WRN: variants seen among roughly 807,000 people sequenced by gnomAD.
The protein encoded by WRN is WRN RecQ like helicase.
Under a neutral mutation model 180.7 loss-of-function variants are expected in WRN, and 149 were observed. The observed-to-expected ratio is 0.82, with a 90% CI of 0.72 to 0.94. The LOEUF (loss-of-function observed/expected upper bound fraction) is 0.94, where lower values mean the gene tolerates loss of function less well. WRN is among the 40% of genes least tolerant of loss of function. The pLI is 0.00. For synonymous variants in WRN, 548 were observed against 568.9 expected (o/e 0.96, Z 0.52); for missense variants, 1,661 against 1,700.1 (o/e 0.98, Z 0.40).
At chr8:31,088,428 G>T (rs1273548385) in intron 12 of WRN, among the ~76,000 whole-genome samples, 1 of 152,072 alleles carries the variant, frequency 6.6e-6, no homozygotes, top group African/African-American at 2.4e-5. Context: ...TAAACTAAAC[G>T]AGATTTTCGT....
At position 31,124,561 on chromosome 8, in the gene WRN, A is replaced by G. The variant is rs767647726; in HGVS notation, c.2670A>G (p.Leu890=). 2 of 1,613,016 alleles carry G rather than the reference A, an allele frequency of 1.2e-6. No homozygotes were observed. Among genetic ancestry groups the G allele is most frequent in the East Asian group, 2.2e-5 (1 of 44,738 alleles). Residue 890 remains leucine, a synonymous_variant, in exon 22 of 35, where the codon TTA becomes TTG. Coordinates refer to ENST00000298139, the MANE Select transcript of WRN (RefSeq NM_000553.6). Reference sequence around the variant, plus strand: ...AGATACGTAATGAGAAGTTTCGATTATACAAATTAAAGATGATGGCAAAGA... The same window carrying G: ...AGATACGTAATGAGAAGTTTCGATTGTACAAATTAAAGATGATGGCAAAGA... The part of the protein sequence containing the change: ...LTEIRNEKFR[L]YKLKMMAKME...
At chr8:31,166,949 A>G in intron 33 of WRN, 73 bp from the exon 34 acceptor site, 1 of 1,423,942 alleles carries the variant, frequency 7.0e-7, no homozygotes, top group Non-Finnish European at 9.7e-7. Flanking sequence ...ATATTTCAGT[A>G]TTTCTAGCTC....
At chr8:31,060,878 T>C (rs772051506) in intron 3 of WRN, among the ~76,000 whole-genome samples, 4 of 152,224 alleles carry the variant, frequency 2.6e-5, no homozygotes, top group African/African-American at 4.8e-5. Flanking sequence ...TTTCCCCTCC[T>C]CTGGACACTT....
intron 17 of WRN, among the ~76,000 whole-genome samples, chr8:31,099,419 A>AAT (rs1563350051): frequency 6.8e-5 from 10 of 147,370 alleles, no homozygotes; most frequent in East Asian, 5.8e-4. Flanking sequence ...AGGAAGGAAA[A>AAT]ATCAGTCACT....
At chr8:31,094,509 C>A (rs562233843) in intron 16 of WRN, among the ~76,000 whole-genome samples, 1 of 152,150 alleles carries the variant, frequency 6.6e-6, no homozygotes, top group African/African-American at 2.4e-5. Context: ...CCATACCTGG[C>A]TAATTTGTTT....
At position 31,068,425 on chromosome 8, in the gene WRN, A is replaced by G. The variant is rs1390070958; in HGVS notation, c.724+98A>G. ...ACATATTTGCAAAGCATTTAGTACTATAACTTCTTGAATGTCTGAGCAGTC... is the reference window on the plus strand; with the variant it reads ...ACATATTTGCAAAGCATTTAGTACTGTAACTTCTTGAATGTCTGAGCAGTC... On this transcript the variant is annotated intron_variant, in intron 7 of 34. Coordinates refer to ENST00000298139, the MANE Select transcript of WRN (RefSeq NM_000553.6). 2.1e-5 allele frequency: 21 copies of G among 1,018,432 alleles called. No individual in the cohort carries two copies. In the South Asian group the frequency reaches 2.5e-4, roughly 12 times the overall value. The allele number at this position is 1,018,432 out of a possible 1,614,324, so 63.1% of individuals were successfully genotyped here.
At chr8:31,147,557 A>G in intron 30 of WRN, 81 bp downstream of exon 30, 9 of 1,297,016 alleles carry the variant, frequency 6.9e-6, no homozygotes, top group South Asian at 1.3e-5. Flanking sequence ...TGATAATATG[A>G]CCATAGCTTC....
chr8:31,171,056 C>T (rs1433750042), intron 34 of WRN: 3 of 152,100 alleles, frequency 2.0e-5, no homozygotes, highest in African/African-American at 7.2e-5. Context: ...ACTATTATTT[C>T]CATTTCTCTG....
chr8:31,119,396 C>T lies in WRN; in HGVS notation c.2449-847C>T, dbSNP rs113692202. Among the ~76,000 whole-genome samples the T allele has an allele frequency of 1.9e-3, 287 of 151,978 alleles. 2 individuals are homozygous for T. The highest frequency in any genetic ancestry group is 6.6e-3 in the African/African-American group (272 of 41,506). On this transcript the variant is annotated intron_variant, in intron 20 of 34. Transcript: ENST00000298139. ...CTTGCCATAGTTTATGTACCTGGCT[C>T]CTACTTAATTTTTTGTTTATTTGTG...
intron 30 of WRN, among the ~76,000 whole-genome samples, chr8:31,149,342 A>G (rs1803002307): frequency 6.7e-6 from 1 of 149,086 alleles, no homozygotes. Context: ...GCTTGCAGTG[A>G]GCGGAGATCG....
intron 23 of WRN, among the ~76,000 whole-genome samples, chr8:31,130,018 AACAAAAC>A (rs1802092423): frequency 7.1e-6 from 1 of 139,922 alleles, no homozygotes; most frequent in African/African-American, 3.0e-5. Flanking sequence ...AAAAAAACAA[AACAAAAC>A]AAAAAAAAAA....
chr8:31,065,516 T>C (rs1416271611), intron 5 of WRN, among the ~76,000 whole-genome samples: 1 of 152,228 alleles, frequency 6.6e-6, no homozygotes, highest in Non-Finnish European at 1.5e-5. Context: ...GTTAGTTTGC[T>C]AAGGATAATG....
intron 18 of WRN, 96 bp from the exon 19 acceptor site, chr8:31,111,519 A>T: frequency 6.9e-7 from 1 of 1,445,478 alleles, no homozygotes; most frequent in Non-Finnish European, 9.6e-7. Flanking sequence ...TGTACCACAA[A>T]CTGTTGTCCT....
At chr8:31,138,757 T>C (rs751690949) in intron 24 of WRN, among the ~76,000 whole-genome samples, 2 of 152,224 alleles carry the variant, frequency 1.3e-5, no homozygotes, top group Admixed American at 6.5e-5. Flanking sequence ...AATTCTATTC[T>C]ATTTTATTGT....
intron 1 of WRN, among the ~76,000 whole-genome samples, chr8:31,038,301 T>G (rs1214561588): frequency 6.6e-6 from 1 of 152,216 alleles, no homozygotes; most frequent in African/African-American, 2.4e-5. Flanking sequence ...TACTGTGGTT[T>G]TATTTTGTAT....
At chr8:31,124,654 T>C in intron 22 of WRN, 31 bp downstream of exon 22, 1 of 1,532,754 alleles carries the variant, frequency 6.5e-7, no homozygotes, top group East Asian at 2.3e-5. Context: ...GCCAATAGTA[T>C]GGATTTATGG....
intron 27 of WRN, 115 bp from the exon 28 acceptor site, chr8:31,143,435 C>T: frequency 2.9e-6 from 2 of 682,298 alleles, no homozygotes; most frequent in South Asian, 3.5e-5. Context: ...ATTAATTTGA[C>T]AGCTTGATTA....
At position 31,172,837 on chromosome 8, in the gene WRN, T is replaced by C. The variant is rs558179007; in HGVS notation, c.4192-158T>C. ...TTTTGTGTGTCTTATATTTATTTAC[T>C]TTTTGATCCAGAAATAAATTATATA... On this transcript the variant is annotated intron_variant, in intron 34 of 34. Coordinates refer to ENST00000298139, the MANE Select transcript of WRN (RefSeq NM_000553.6). Among the ~76,000 whole-genome samples the C allele has an allele frequency of 9.2e-5, 14 of 152,364 alleles. No homozygotes were observed. In the South Asian group the frequency reaches 2.9e-3, roughly 32 times the overall value.
chr8:31,054,608 T>C (rs1019424537), intron 1 of WRN, among the ~76,000 whole-genome samples: 1 of 152,154 alleles, frequency 6.6e-6, no homozygotes, highest in Non-Finnish European at 1.5e-5. Context: ...AAATTGTAGA[T>C]AGTGGTAGGT....
Sources: allele counts gnomAD v4.1 joint callset (sites outside exome capture counted in the v4.1 genomes callset), GRCh38; gene constraint gnomAD v4.1.1; transcripts MANE v1.5; gene names NCBI Gene and HGNC (gene_info 2026-07-23, HGNC 2026-07-21).